ABHD18: variants seen among roughly 807,000 people sequenced by gnomAD.
ABHD18 encodes the protein abhydrolase domain containing 18.
A neutral mutation model predicts 65.9 loss-of-function variants in ABHD18; 55 were observed. The observed-to-expected ratio is 0.84, with a 90% CI of 0.67 to 1.05. ABHD18 has a LOEUF of 1.05. Among genes scored for constraint, ABHD18 ranks in the 50% least tolerant of loss-of-function variants. ABHD18 has a pLI of 0.00. For missense variants in ABHD18, 533 were observed against 558.5 expected, an observed-to-expected ratio of 0.95 and a Z score of 0.46; for synonymous variants, 181 against 180.2, an observed-to-expected ratio of 1.00 and a Z score of -0.04.
chr4:127,973,445 T>C lies in ABHD18; in HGVS notation c.-18+7839T>C, dbSNP rs114197272. ...AGTAAGTAACACCTGTTATTGAGGG[T>C]GTCAGCCCAGATACTCTACTCAAAT... On this transcript the variant is annotated intron_variant, in intron 1 of 12. Coordinates refer to ENST00000645843, the MANE Select transcript of ABHD18 (RefSeq NM_001358451.3). Among the ~76,000 whole-genome samples the C allele has an allele frequency of 5.6e-3, 853 of 152,108 alleles. 11 individuals are homozygous for C. The highest frequency in any genetic ancestry group is 0.02 in the African/African-American group (825 of 41,474).
In ABHD18 at chr4:128,039,587, AT is replaced by A. The variant is rs1759181843; in HGVS notation, c.*3779del. The A allele has an allele frequency of 6.6e-6, 1 of 152,224 alleles. No individual in the cohort carries two copies. Among genetic ancestry groups the A allele is most frequent in the East Asian group, 1.9e-4 (1 of 5,184 alleles). 9.4% of individuals were successfully genotyped at this position (152,224 alleles called of 1,614,324 possible). On this transcript the variant is annotated 3_prime_UTR_variant, in exon 13 of 13. Coordinates refer to ENST00000645843, the MANE Select transcript of ABHD18 (RefSeq NM_001358451.3). Reference sequence around the variant, plus strand: ...TGTGCATTTTAGAGTCCTTCTTTGTATTTTTGTAATGTGGTGCTTTCTCTCA... The same window carrying A: ...TGTGCATTTTAGAGTCCTTCTTTGTATTTTGTAATGTGGTGCTTTCTCTCA...
At chr4:128,000,530 T>C (rs1012738467) in intron 4 of ABHD18, among the ~76,000 whole-genome samples, 1 of 152,246 alleles carries the variant, frequency 6.6e-6, no homozygotes, top group Non-Finnish European at 1.5e-5. Context: ...TTTTGGTTAC[T>C]ATAGCCTTGT....
chr4:128,030,901 T>C (rs1579478645), intron 12 of ABHD18: 2 of 1,223,660 alleles, frequency 1.6e-6, no homozygotes, highest in East Asian at 3.8e-5. Context: ...GCATGCTTTA[T>C]CGTGTGGCTT....
At chr4:127,978,890 C>T (rs181804195) in intron 1 of ABHD18, among the ~76,000 whole-genome samples, 4 of 152,088 alleles carry the variant, frequency 2.6e-5, no homozygotes, top group African/African-American at 4.8e-5. Context: ...AACACTCCAA[C>T]GAACCCACTG....
rs754432583 is a variant in ABHD18, at chr4:128,008,911, T to A, written c.279-9T>A. ...AATTTTATTGATAAGTCTATGCTTT[T>A]AAAAATAGGTTCCAATTTATTGTGC... is the stretch of plus-strand genomic sequence containing the variant. On this transcript the variant is annotated splice_polypyrimidine_tract_variant and intron_variant, in intron 4 of 12. Coordinates refer to ENST00000645843, the MANE Select transcript of ABHD18 (RefSeq NM_001358451.3). 6.3e-7 allele frequency: 1 copy of A among 1,593,656 alleles called. No homozygotes were observed. The highest frequency in any genetic ancestry group is 2.2e-5 in the East Asian group (1 of 44,586).
chr4:127,999,949 TG>T (rs565411007), intron 4 of ABHD18, among the ~76,000 whole-genome samples: 7 of 152,224 alleles, frequency 4.6e-5, no homozygotes, highest in Non-Finnish European at 1.0e-4. Context: ...ACAGTCCACG[TG>T]GCTGGGAAGG....
chr4:128,028,959 T>C, intron 11 of ABHD18, 106 bp downstream of exon 11: 1 of 938,554 alleles, frequency 1.1e-6, no homozygotes, highest in Non-Finnish European at 1.5e-6. Context: ...AAGGGTATAT[T>C]TTTTTGTTGG....
At chr4:128,033,928 G>A (rs1208361430) in intron 12 of ABHD18, among the ~76,000 whole-genome samples, 1 of 151,444 alleles carries the variant, frequency 6.6e-6, no homozygotes, top group Non-Finnish European at 1.5e-5. Flanking sequence ...ATTTAAACTG[G>A]GTGAAAATAT....
At chr4:127,988,316 G>A (rs1168940021) in intron 3 of ABHD18, among the ~76,000 whole-genome samples, 6 of 152,100 alleles carry the variant, frequency 3.9e-5, no homozygotes, top group Non-Finnish European at 5.9e-5. Context: ...CTGCAGCTGT[G>A]ACCTCCTGGA....
intron 4 of ABHD18, among the ~76,000 whole-genome samples, chr4:127,998,099 G>A (rs925166762): frequency 8.6e-5 from 13 of 151,820 alleles, no homozygotes; most frequent in African/African-American, 2.9e-4. Context: ...ATGTTGCCCA[G>A]GCTGGTCTTG....
chr4:127,999,552 G>A (rs1353549998), intron 4 of ABHD18, among the ~76,000 whole-genome samples: 1 of 152,124 alleles, frequency 6.6e-6, no homozygotes, highest in Non-Finnish European at 1.5e-5. Context: ...TACCTATCAG[G>A]TACTATGCTC....
In ABHD18 at chr4:128,034,719, TC is replaced by T. The variant is rs559004986; in HGVS notation, c.1344-1042del. On this transcript the variant is annotated intron_variant, in intron 12 of 12. Coordinates refer to ENST00000645843, the MANE Select transcript of ABHD18 (RefSeq NM_001358451.3). ...CAGGTTGGAGTGCAATGGTGTGATCTCAGCTCACACAACCTCTGCCTCCCAG... is the reference window on the plus strand; with the variant it reads ...CAGGTTGGAGTGCAATGGTGTGATCTAGCTCACACAACCTCTGCCTCCCAG... 2.9e-3 allele frequency among the ~76,000 whole-genome samples: 446 copies of T among 152,194 alleles called. 3 individuals are homozygous for T. Among genetic ancestry groups the T allele is most frequent in the African/African-American group, 0.01 (418 of 41,522 alleles).
Position 127,984,433 on chromosome 4 carries a change from T to G in ABHD18, c.177+10T>G. 2.7e-6 allele frequency: 4 copies of G among 1,456,156 alleles called. No individual in the cohort carries two copies. Among genetic ancestry groups the G allele is most frequent in the Non-Finnish European group, 3.7e-6 (4 of 1,070,298 alleles). The allele number at this position is 1,456,156 out of a possible 1,614,324, so 90.2% of individuals were successfully genotyped here. ...AGTACACATTGATAAGGTATTCAAA[T>G]GAGAGAAACACAGTTATAGGAATTG... On this transcript the variant is annotated intron_variant, in intron 3 of 12. Coordinates refer to ENST00000645843, the MANE Select transcript of ABHD18 (RefSeq NM_001358451.3).
intron 10 of ABHD18, among the ~76,000 whole-genome samples, chr4:128,022,737 C>T (rs754018871): frequency 2.7e-5 from 4 of 150,906 alleles, no homozygotes; most frequent in African/African-American, 9.7e-5. Context: ...GAATTGGTTT[C>T]CTACTGCTCT....
intron 8 of ABHD18, among the ~76,000 whole-genome samples, chr4:128,019,181 C>G (rs573244231): frequency 6.6e-6 from 1 of 152,256 alleles, no homozygotes; most frequent in East Asian, 1.9e-4. Context: ...CCTCAGTTCT[C>G]CCCTTCTCTA....
Position 128,035,861 on chromosome 4 carries a change from G to A in ABHD18, c.*48G>A. Reference sequence around the variant, plus strand: ...TGTGGCCATGATGTTTCTTACAAAAGGGAGCTTCATCCTGTGATCATGTGA... The same window carrying A: ...TGTGGCCATGATGTTTCTTACAAAAAGGAGCTTCATCCTGTGATCATGTGA... On this transcript the variant is annotated 3_prime_UTR_variant, in exon 13 of 13. Transcript: ENST00000645843. 2 of 1,216,368 alleles carry A rather than the reference G, an allele frequency of 1.6e-6. No homozygotes were observed. Among genetic ancestry groups the A allele is most frequent in the Non-Finnish European group, 2.3e-6 (2 of 868,512 alleles). 75.3% of individuals were successfully genotyped at this position (1,216,368 alleles called of 1,614,324 possible).
chr4:128,008,938 T>C lies in ABHD18; in HGVS notation c.297T>C (p.Pro99=). ...AAAATAGGTTCCAATTTATTGTGCCTAAAGAATGGAACAGCAAATATAGAC... is the reference window on the plus strand; with the variant it reads ...AAAATAGGTTCCAATTTATTGTGCCCAAAGAATGGAACAGCAAATATAGAC... ...SVIARFQFIV[P]KEWNSKYRPV... Residue 99 remains proline (P), a synonymous_variant, in exon 5 of 13, where the codon CCT becomes CCC. Coordinates refer to ENST00000645843, the MANE Select transcript of ABHD18 (RefSeq NM_001358451.3). The C allele has an allele frequency of 6.2e-7, 1 of 1,607,946 alleles. No individual in the cohort carries two copies. The highest frequency in any genetic ancestry group is 8.5e-7 in the Non-Finnish European group (1 of 1,177,834).
chr4:127,979,915 CAAA>C (rs59944314), intron 1 of ABHD18, among the ~76,000 whole-genome samples: 3 of 66,536 alleles, frequency 4.5e-5, no homozygotes, highest in Non-Finnish European at 6.0e-5. Context: ...GACTCCATCT[CAAA>C]AAAAAAAAAA....
rs186103817 is a variant in ABHD18 at position 128,038,211 on chromosome 4, A to T, written c.*2398A>T. ...CTTTGGCATAACAAGCCAACACTGT[A>T]CAGCTCTTTGAGCTATAAGCAATTT... On this transcript the variant is annotated 3_prime_UTR_variant, in exon 13 of 13. Transcript: ENST00000645843. 1 of 152,354 alleles carries T rather than the reference A, an allele frequency of 6.6e-6. No individual in the cohort carries two copies. Among genetic ancestry groups the T allele is most frequent in the African/African-American group, 2.4e-5 (1 of 41,594 alleles). The allele number at this position is 152,354 out of a possible 1,614,324, so 9.4% of individuals were successfully genotyped here. A position where few individuals can be genotyped will look rare whatever the true frequency, so the allele number is the denominator to read the frequency against.
Sources: gnomAD v4.1 joint callset for allele counts (sites outside exome capture counted in the v4.1 genomes callset) on GRCh38, gnomAD v4.1.1 for gene constraint, MANE v1.5 for transcripts, NCBI Gene and HGNC (gene_info 2026-07-23, HGNC 2026-07-21) for gene names.